The following LHX6 variants were observed in gnomAD, a reference collection of about 807,000 sequenced individuals.
The protein encoded by LHX6 is LIM/homeobox protein Lhx6.
LHX6 carries 15 observed loss-of-function variants against 47.1 expected under a neutral mutation model. That is an observed-to-expected ratio of 0.32 (90% confidence interval 0.21 to 0.49). The LOEUF is 0.49. Among genes scored for constraint, LHX6 ranks in the 20% least tolerant of loss-of-function variants. The pLI, the probability that LHX6 is intolerant of heterozygous loss-of-function variation, is 0.99. For synonymous variants in LHX6, 242 were observed against 233.5 expected, an observed-to-expected ratio of 1.04 and a Z score of -0.33; for missense variants, 404 against 539.6, an observed-to-expected ratio of 0.75 and a Z score of 2.49.
intron 8 of LHX6, among the ~76,000 whole-genome samples, chr9:122,209,926 A>C (rs1412664105): frequency 6.6e-6 from 1 of 151,358 alleles, no homozygotes; most frequent in Non-Finnish European, 1.5e-5. Flanking sequence ...CCCAGGCTGG[A>C]GTGCAGTGGC....
At chr9:122,227,952 A>ATCCCCCCCC in intron 1 of LHX6, 2 of 131,682 alleles carry the variant, frequency 1.5e-5, no homozygotes, top group Non-Finnish European at 3.2e-5. Context: ...TTCTCTCTCC[A>ATCCCCCCCC]CCCGCCCCCC....
intron 4 of LHX6, among the ~76,000 whole-genome samples, chr9:122,219,737 G>A (rs1300752760): frequency 2.0e-5 from 3 of 152,200 alleles, no homozygotes; most frequent in South Asian, 4.1e-4. Context: ...CGAGTGATTT[G>A]CCGGAAACTC....
chr9:122,206,224 C>T (rs1210098689), intron 9 of LHX6, among the ~76,000 whole-genome samples: 1 of 152,190 alleles, frequency 6.6e-6, no homozygotes, highest in Non-Finnish European at 1.5e-5. Flanking sequence ...GGATGCTCCC[C>T]TGAGTGCTCA....
Position 122,217,885 on chromosome 9 carries a change from GT to G in LHX6, c.462-598del, listed in dbSNP as rs1830657682. On this transcript the variant is annotated intron_variant, in intron 4 of 9. Transcript: ENST00000394319. The surrounding 1 kb of genome is among the most constrained non-coding windows in gnomAD (Gnocchi z 4.9). ...CACTAGGCAAACTGTTTAACTCTGA[GT>G]TCTCGTTTTCCTTGTCCTGCACTGA... Among the ~76,000 whole-genome samples the G allele has an allele frequency of 6.6e-6, 1 of 152,206 alleles. No individual in the cohort carries two copies. Among genetic ancestry groups the G allele is most frequent in the Non-Finnish European group, 1.5e-5 (1 of 68,050 alleles).
At chr9:122,228,446 A>G in intron 1 of LHX6, 1 of 1,445,594 alleles carries the variant, frequency 6.9e-7, no homozygotes, top group Non-Finnish European at 9.0e-7. Context: ...TTTTTGAGAA[A>G]TTCCTCCAAC....
chr9:122,210,361 C>CA (rs1286953778), intron 8 of LHX6, among the ~76,000 whole-genome samples: 1 of 152,206 alleles, frequency 6.6e-6, no homozygotes, highest in Admixed American at 6.5e-5. Context: ...GCCCTGCAAG[C>CA]AAGGCTGTGC....
At chr9:122,216,504 G>C (rs1374075235) in intron 5 of LHX6, among the ~76,000 whole-genome samples, 1 of 152,210 alleles carries the variant, frequency 6.6e-6, no homozygotes, top group Non-Finnish European at 1.5e-5. Flanking sequence ...CACAGTATGG[G>C]AGAGCCTGGT....
chr9:122,210,840 G>T (rs1830372768), intron 8 of LHX6, among the ~76,000 whole-genome samples: 1 of 152,136 alleles, frequency 6.6e-6, no homozygotes, highest in Non-Finnish European at 1.5e-5. Flanking sequence ...TGGGATTACA[G>T]GTGTGAGCCA....
intron 4 of LHX6, chr9:122,221,108 A>G: frequency 2.0e-6 from 2 of 985,426 alleles, no homozygotes; most frequent in Non-Finnish European, 2.4e-6. Flanking sequence ...TAGGTTCAAG[A>G]CCTTCTTGAA....
intron 4 of LHX6, among the ~76,000 whole-genome samples, chr9:122,223,742 C>A (rs1355077486): frequency 8.5e-5 from 13 of 152,094 alleles, no homozygotes; most frequent in Non-Finnish European, 5.9e-5. Context: ...AGTCAGGATC[C>A]GTGTTTTGAC....
At position 122,226,989 on chromosome 9, in the gene LHX6, C is replaced by T. The variant is rs1371452441; in HGVS notation, c.198G>A (p.Lys66=). Residue 66 remains lysine (K), a synonymous_variant, in exon 3 of 10, where the codon AAG becomes AAA. Transcript: ENST00000394319. The surrounding 1 kb of genome is among the most constrained non-coding windows in gnomAD (Gnocchi z 6.5). ...TACATGGGGAGGCCTGACCCTCGTC[C>T]TTGTCCAGAGCTCCTGCCAGGGCCT... ...DAEALAGALD[K]DEGQASPCTP... is the part of the protein sequence containing the mutation. The T allele has an allele frequency of 6.5e-7, 1 of 1,537,814 alleles. No individual in the cohort carries two copies. Among genetic ancestry groups the T allele is most frequent in the African/African-American group, 1.4e-5 (1 of 73,100 alleles).
Position 122,227,956 on chromosome 9 carries a change from GC to G in LHX6, c.85-477del, listed in dbSNP as rs1007530395. On this transcript the variant is annotated intron_variant, in intron 1 of 9. Coordinates refer to ENST00000394319, the MANE Select transcript of LHX6 (RefSeq NM_014368.5). ...AATCGAATTTTTTCTCTCTCCACCCGCCCCCCCACCCCACTCCCCTTCCTCG... is the reference window on the plus strand; with the variant it reads ...AATCGAATTTTTTCTCTCTCCACCCGCCCCCCACCCCACTCCCCTTCCTCG... 17 of 72,846 alleles carry G rather than the reference GC, an allele frequency of 2.3e-4. No individual in the cohort carries two copies. In the South Asian group the frequency reaches 5.5e-3, roughly 24 times the overall value. The allele number at this position is 72,846 out of a possible 1,614,324, so 4.5% of individuals were successfully genotyped here.
At position 122,213,966 on chromosome 9, in the gene LHX6, C is replaced by CCGCCCCCCCGG; in HGVS notation, c.879+7_879+8insCCGGGGGGGCG. 1.3e-6 allele frequency: 2 copies of CCGCCCCCCCGG among 1,580,128 alleles called. No individual in the cohort carries two copies. The highest frequency in any genetic ancestry group is 1.7e-6 in the Non-Finnish European group (2 of 1,161,538). The stretch of plus-strand genomic sequence containing the variant: ...GCGGTCCCCAGGCCCCGCCCACCCC[C>CCGCCCCCCCGG]GTCCCACCTGGATGACTCTCCGGCT... On this transcript the variant is annotated splice_region_variant and intron_variant, in intron 7 of 9. Transcript: ENST00000394319. The surrounding 1 kb of genome is among the most constrained non-coding windows in gnomAD (Gnocchi z 5.5).
intron 4 of LHX6, among the ~76,000 whole-genome samples, chr9:122,224,383 G>A (rs945608833): frequency 3.3e-5 from 5 of 152,144 alleles, no homozygotes; most frequent in African/African-American, 1.2e-4. Context: ...TGGCTAGACA[G>A]TGACTGTAAC....
chr9:122,227,625 C>G (rs988001247), intron 1 of LHX6, 145 bp from the exon 2 acceptor site: 2 of 1,352,596 alleles, frequency 1.5e-6, no homozygotes, highest in African/African-American at 1.5e-5. Context: ...TAAAGCCCTT[C>G]CCCACAAAAG....
chr9:122,206,483 CAGA>C (rs1830186048), intron 9 of LHX6, among the ~76,000 whole-genome samples: 1 of 152,144 alleles, frequency 6.6e-6, no homozygotes, highest in Non-Finnish European at 1.5e-5. Context: ...AGTGAGAGGA[CAGA>C]AGGTCATGAA....
Position 122,213,567 on chromosome 9 carries a change from C to G in LHX6, c.1054+39G>C, listed in dbSNP as rs550936469. On this transcript the variant is annotated intron_variant, in intron 8 of 9. Transcript: ENST00000394319. The surrounding 1 kb of genome is among the most constrained non-coding windows in gnomAD (Gnocchi z 5.5). ...CACGTGCGCTCCTCCGCGCCCCCTCCCCGCAGGCCCAGCGGCTCCCGGCGC... is the reference window on the plus strand; with the variant it reads ...CACGTGCGCTCCTCCGCGCCCCCTCGCCGCAGGCCCAGCGGCTCCCGGCGC... The G allele has an allele frequency of 6.6e-7, 1 of 1,511,528 alleles. No individual in the cohort carries two copies. The highest frequency in any genetic ancestry group is 1.4e-5 in the African/African-American group (1 of 72,428). The allele number at this position is 1,511,528 out of a possible 1,614,324, so 93.6% of individuals were successfully genotyped here. A position where few individuals can be genotyped will look rare whatever the true frequency, so the allele number is the denominator to read the frequency against.
chr9:122,209,042 A>G (rs1338930927), intron 9 of LHX6, among the ~76,000 whole-genome samples: 3 of 152,172 alleles, frequency 2.0e-5, no homozygotes, highest in African/African-American at 4.8e-5. Context: ...CTTCATCTGC[A>G]CTATGGACAA....
intron 4 of LHX6, among the ~76,000 whole-genome samples, chr9:122,225,491 C>T (rs1831055324): frequency 6.6e-6 from 1 of 152,250 alleles, no homozygotes; most frequent in Non-Finnish European, 1.5e-5. Flanking sequence ...GGCCAAGACG[C>T]GGCAGGACAG....
Sources: gnomAD v4.1 joint callset for allele counts (sites outside exome capture counted in the v4.1 genomes callset) on GRCh38, gnomAD v4.1.1 for gene constraint, Gnocchi (gnomAD v3.1) non-coding constraint, MANE v1.5 for transcripts, NCBI Gene and HGNC (gene_info 2026-07-23, HGNC 2026-07-21) for gene names.